TMEM120B: variants seen among roughly 807,000 people sequenced by gnomAD.
The protein encoded by TMEM120B is transmembrane protein 120B.
In TMEM120B, 31 loss-of-function variants were observed where a neutral mutation model predicts 55.5. The observed-to-expected ratio is 0.56, with a 90% CI of 0.42 to 0.75. The LOEUF (loss-of-function observed/expected upper bound fraction) is 0.75, where lower values mean the gene tolerates loss of function less well. TMEM120B is among the 30% of genes least tolerant of loss of function. The probability of loss-of-function intolerance (pLI) is 0.00; values close to 1 mark genes in which losing one functional copy is unlikely to be tolerated. For synonymous variants in TMEM120B, 203 were observed against 176.3 expected (o/e 1.15, Z -1.20); for missense variants, 399 against 425.5 (o/e 0.94, Z 0.55).
intron 9 of TMEM120B, 30 bp from the exon 10 acceptor site, chr12:121,774,628 C>T (rs759147190): frequency 1.1e-5 from 18 of 1,608,264 alleles, no homozygotes; most frequent in Middle Eastern, 1.7e-4. Flanking sequence ...ACCCCCTCAG[C>T]GGGTCCTTTT....
At chr12:121,730,272 A>G (rs991273227) in intron 1 of TMEM120B, among the ~76,000 whole-genome samples, 10 of 151,100 alleles carry the variant, frequency 6.6e-5, no homozygotes, top group African/African-American at 2.4e-4. Flanking sequence ...AAAAAAAAAA[A>G]GAAGGAAATT....
rs1483568443 is a variant in TMEM120B, at chr12:121,738,239, C to CAG, written c.70-5382_70-5381dup. Among the ~76,000 whole-genome samples the CAG allele has an allele frequency of 2.6e-5, 4 of 151,904 alleles. 1 individual carries two copies. The South Asian group carries it at 6.2e-4, about 24-fold the overall frequency. ...GCGCCACTGGACTCCAGCCTGGCCA[C>CAG]AGAGAGAGACTCCATCTCAAAAAAA... On this transcript the variant is annotated intron_variant, in intron 1 of 11. Transcript: ENST00000449592.
Position 121,750,005 on chromosome 12 carries a change from C to T in TMEM120B, c.306-375C>T, listed in dbSNP as rs1233659610. ...GAGACCCTGTCTCTAAAAATAATAA[C>T]AATGATAATAATAATAATAATGAAA... On this transcript the variant is annotated intron_variant, in intron 3 of 11. Transcript: ENST00000449592. Among the ~76,000 whole-genome samples the T allele has an allele frequency of 3.3e-5, 5 of 150,764 alleles. No homozygotes were observed. The East Asian group carries it at 7.7e-4, about 23-fold the overall frequency.
intron 1 of TMEM120B, among the ~76,000 whole-genome samples, chr12:121,739,798 CTT>C (rs200085137): frequency 7.4e-4 from 73 of 99,190 alleles, no homozygotes; most frequent in East Asian, 1.8e-3. Flanking sequence ...TGCAACACTT[CTT>C]TTTTTTTTTT....
rs1175929913 is a variant in TMEM120B at position 121,777,160 on chromosome 12, C to G, written c.*1438C>G. On this transcript the variant is annotated 3_prime_UTR_variant, in exon 12 of 12. Transcript: ENST00000449592. ...TTTTGTTTTGTATTTTTAGTAGAGA[C>G]AGGGTTTCACCATGTTTGCCAGGAT... 2 of 152,080 alleles carry G rather than the reference C, an allele frequency of 1.3e-5. No homozygotes were observed. Among genetic ancestry groups the G allele is most frequent in the Non-Finnish European group, 2.9e-5 (2 of 68,014 alleles). 9.4% of individuals were successfully genotyped at this position (152,080 alleles called of 1,614,324 possible).
intron 1 of TMEM120B, among the ~76,000 whole-genome samples, chr12:121,722,848 CTTTT>C (rs34271702): frequency 3.0e-5 from 4 of 133,080 alleles, no homozygotes; most frequent in Admixed American, 7.9e-5. Context: ...TTTAAATTTA[CTTTT>C]TTTTTTTTTT....
intron 6 of TMEM120B, among the ~76,000 whole-genome samples, chr12:121,765,382 G>A (rs1873815440): frequency 6.6e-6 from 1 of 152,072 alleles, no homozygotes; most frequent in East Asian, 1.9e-4. Context: ...TGCTCACCTC[G>A]GCCTTCTGAA....
chr12:121,721,531 G>A (rs1420661410), intron 1 of TMEM120B, among the ~76,000 whole-genome samples: 1 of 151,372 alleles, frequency 6.6e-6, no homozygotes, highest in Non-Finnish European at 1.5e-5. Context: ...GAGTGCAGTG[G>A]TGCCATCTTG....
rs1021004504 is a variant in TMEM120B at position 121,778,587 on chromosome 12, G to A, written c.*2865G>A. 1 of 152,138 alleles carries A rather than the reference G, an allele frequency of 6.6e-6. No individual in the cohort carries two copies. Among genetic ancestry groups the A allele is most frequent in the Non-Finnish European group, 1.5e-5 (1 of 68,034 alleles). 9.4% of individuals were successfully genotyped at this position (152,138 alleles called of 1,614,324 possible). A position where few individuals can be genotyped will look rare whatever the true frequency, so the allele number is the denominator to read the frequency against. On this transcript the variant is annotated 3_prime_UTR_variant, in exon 12 of 12. Coordinates refer to ENST00000449592, the MANE Select transcript of TMEM120B (RefSeq NM_001080825.2). The stretch of plus-strand genomic sequence containing the variant: ...CTGAGAAACTGTCCCGCGTGGACAG[G>A]GGGTAGATCCCATCAGTTCTCAAAG...
intron 2 of TMEM120B, among the ~76,000 whole-genome samples, chr12:121,747,032 A>G (rs1873107662): frequency 6.6e-6 from 1 of 152,214 alleles, no homozygotes; most frequent in Non-Finnish European, 1.5e-5. Context: ...AGCTCATACT[A>G]TCAAGTATTA....
chr12:121,736,174 T>TTTAC (rs1895107024), intron 1 of TMEM120B, among the ~76,000 whole-genome samples: 1 of 151,392 alleles, frequency 6.6e-6, no homozygotes, highest in South Asian at 2.1e-4. Flanking sequence ...ATTTTATTTA[T>TTTAC]TTATTTATTT....
At chr12:121,746,779 C>G (rs1344241119) in intron 2 of TMEM120B, among the ~76,000 whole-genome samples, 1 of 151,886 alleles carries the variant, frequency 6.6e-6, no homozygotes, top group Admixed American at 6.6e-5. Context: ...ATGGTGAAAC[C>G]CCATCTCTTC....
chr12:121,729,274 A>C (rs1458023671), intron 1 of TMEM120B, among the ~76,000 whole-genome samples: 2 of 152,214 alleles, frequency 1.3e-5, no homozygotes, highest in African/African-American at 4.8e-5. Flanking sequence ...CTGCTCCCGG[A>C]AAAAGCATCT....
Position 121,746,290 on chromosome 12 carries a change from C to G in TMEM120B, c.189-2036C>G, listed in dbSNP as rs145385958. 2.3e-4 allele frequency among the ~76,000 whole-genome samples: 34 copies of G among 149,320 alleles called. 1 individual carries two copies. Among genetic ancestry groups the G allele is most frequent in the Non-Finnish European group, 4.9e-4 (33 of 67,216 alleles). The stretch of plus-strand genomic sequence containing the variant: ...GCAACCTCTGCCTCCCGGGTTCAAG[C>G]GATTCTCCTGCCTCAGCCTCCCGAG... On this transcript the variant is annotated intron_variant, in intron 2 of 11. Coordinates refer to ENST00000449592, the MANE Select transcript of TMEM120B (RefSeq NM_001080825.2).
At chr12:121,725,865 C>T (rs553350607) in intron 1 of TMEM120B, among the ~76,000 whole-genome samples, 98 of 151,992 alleles carry the variant, frequency 6.4e-4, no homozygotes, top group African/African-American at 2.3e-3. Context: ...GGTGAAACCG[C>T]ATCTCTACTA....
chr12:121,715,744 A>G (rs1279575730), intron 1 of TMEM120B, among the ~76,000 whole-genome samples: 1 of 152,074 alleles, frequency 6.6e-6, no homozygotes. Context: ...ACTGCCATCT[A>G]CATCTTCAAT....
intron 1 of TMEM120B, among the ~76,000 whole-genome samples, chr12:121,724,030 C>CTTTTTT (rs56972824): frequency 6.2e-4 from 47 of 76,000 alleles, no homozygotes; most frequent in Admixed American, 7.5e-4. Context: ...TCAAGTGATC[C>CTTTTTT]TTTTTTTTTT....
intron 5 of TMEM120B, chr12:121,758,870 C>CT (rs1873573989): frequency 1.0e-6 from 1 of 979,770 alleles, no homozygotes; most frequent in African/African-American, 1.8e-5. Context: ...GACGGCCCAG[C>CT]CCCGTGCTGT....
At chr12:121,726,907 C>CA (rs71305665) in intron 1 of TMEM120B, among the ~76,000 whole-genome samples, 940 of 73,654 alleles carry the variant, frequency 0.013, 65 homozygotes, top group Non-Finnish European at 0.019. Flanking sequence ...GACTCTGTCT[C>CA]AAAAAAAAAA....
Sources: allele counts gnomAD v4.1 joint callset (sites outside exome capture counted in the v4.1 genomes callset), GRCh38; gene constraint gnomAD v4.1.1; transcripts MANE v1.5; gene names NCBI Gene and HGNC (gene_info 2026-07-23, HGNC 2026-07-21).